JAM2: variants seen among roughly 807,000 people sequenced by gnomAD.
JAM2 encodes the protein junctional adhesion molecule 2.
JAM2 carries 17 observed loss-of-function variants against 42.0 expected under a neutral mutation model. That is an observed-to-expected ratio of 0.40 (90% CI 0.28 to 0.61). The LOEUF is 0.61. Among genes scored for constraint, JAM2 ranks in the 20% least tolerant of loss-of-function variants. JAM2 has a pLI of 0.37. For missense variants in JAM2, 319 were observed against 358.3 expected, an observed-to-expected ratio of 0.89 and a Z score of 0.89; for synonymous variants, 118 against 128.6, an observed-to-expected ratio of 0.92 and a Z score of 0.56.
chr21:25,684,912 A>G (rs1018703837), intron 2 of JAM2, among the ~76,000 whole-genome samples: 1 of 152,158 alleles, frequency 6.6e-6, no homozygotes, highest in Non-Finnish European at 1.5e-5. Flanking sequence ...AGTTTATTTC[A>G]AATATTGATC....
intron 9 of JAM2, chr21:25,714,156 A>G: frequency 7.7e-7 from 1 of 1,299,508 alleles, no homozygotes. Flanking sequence ...GCTTCAGAGT[A>G]CCTTGTCTGC....
intron 1 of JAM2, among the ~76,000 whole-genome samples, chr21:25,654,644 T>C (rs1178642012): frequency 2.2e-4 from 25 of 112,026 alleles, no homozygotes; most frequent in Non-Finnish European, 3.5e-4. Context: ...TGAGACTTTC[T>C]CTCAAAAAAA....
At chr21:25,664,336 A>C (rs1267689143) in intron 1 of JAM2, among the ~76,000 whole-genome samples, 1 of 152,076 alleles carries the variant, frequency 6.6e-6, no homozygotes, top group Non-Finnish European at 1.5e-5. Context: ...CCTGAGTTCA[A>C]GTGATTGTCC....
At chr21:25,693,705 C>A in intron 3 of JAM2, 51 bp from the exon 4 acceptor site, 1 of 1,487,320 alleles carries the variant, frequency 6.7e-7, no homozygotes, top group Non-Finnish European at 9.3e-7. Context: ...AGGTATTACA[C>A]AGAAAGCTAC....
At chr21:25,714,174 T>TA (rs1166028982) in intron 9 of JAM2, 3 of 1,301,830 alleles carry the variant, frequency 2.3e-6, no homozygotes, top group Non-Finnish European at 3.0e-6. Context: ...TGCTAGGAGT[T>TA]AGTTAGTTAA....
rs1202222672 is a variant in JAM2 at position 25,639,559 on chromosome 21, C to G, written c.-263C>G. ...CGGCGGACGCCTCGTCTGGTTTTCA[C>G]GCCCTCTAGCCCCTACCCCCACACC... is the stretch of plus-strand genomic sequence containing the variant. On this transcript the variant is annotated 5_prime_UTR_variant, in exon 1 of 10. Transcript: ENST00000480456. 1 of 376,048 alleles carries G rather than the reference C, an allele frequency of 2.7e-6. No homozygotes were observed. The highest frequency in any genetic ancestry group is 4.7e-6 in the Non-Finnish European group (1 of 212,214). The allele number at this position is 376,048 out of a possible 1,614,324, so 23.3% of individuals were successfully genotyped here.
rs1448259226 is a variant in JAM2 at position 25,701,886 on chromosome 21, AAC to A, written c.598-281_598-280del. 2.0e-5 allele frequency among the ~76,000 whole-genome samples: 3 copies of A among 152,144 alleles called. 1 individual carries two copies. The highest frequency in any genetic ancestry group is 1.3e-4 in the Admixed American group (2 of 15,278). ...CTACCATGTGTTATGAACTTTAAAAAACACTCATTGCCTTCCTAACAGTACTG... is the reference window on the plus strand; with the variant it reads ...CTACCATGTGTTATGAACTTTAAAAAACTCATTGCCTTCCTAACAGTACTG... On this transcript the variant is annotated intron_variant, in intron 5 of 9. Transcript: ENST00000480456.
At chr21:25,709,342 A>T in intron 7 of JAM2, 92 bp from the exon 8 acceptor site, 6 of 714,600 alleles carry the variant, frequency 8.4e-6, no homozygotes, top group Non-Finnish European at 1.1e-5. Flanking sequence ...TAAAATTAAT[A>T]AAAATAAATT....
intron 1 of JAM2, among the ~76,000 whole-genome samples, chr21:25,646,868 C>A (rs1192556361): frequency 1.3e-5 from 2 of 152,238 alleles, no homozygotes; most frequent in East Asian, 3.9e-4. Context: ...TACTGGAGAG[C>A]TCTGCTTTTC....
At chr21:25,699,953 A>T (rs748586752) in intron 5 of JAM2, among the ~76,000 whole-genome samples, 27 of 152,030 alleles carry the variant, frequency 1.8e-4, no homozygotes, top group Non-Finnish European at 3.5e-4. Context: ...GTAGTCAATC[A>T]TGGTAGGATT....
intron 4 of JAM2, among the ~76,000 whole-genome samples, chr21:25,695,184 T>G (rs1227034108): frequency 2.0e-5 from 3 of 152,132 alleles, no homozygotes; most frequent in East Asian, 1.9e-4. Context: ...TGATGACTCT[T>G]AAGGAGCATG....
chr21:25,662,873 G>A (rs1290763393), intron 1 of JAM2, among the ~76,000 whole-genome samples: 4 of 152,142 alleles, frequency 2.6e-5, no homozygotes, highest in Admixed American at 6.5e-5. Context: ...ACACAATCTT[G>A]TATCAAATAG....
chr21:25,685,371 A>G (rs908432147), intron 2 of JAM2, among the ~76,000 whole-genome samples: 2 of 151,932 alleles, frequency 1.3e-5, no homozygotes, highest in Middle Eastern at 3.4e-3. Context: ...AAAACAAACA[A>G]ATTAGACAGA....
chr21:25,699,573 CTT>C (rs1218960494), intron 5 of JAM2, among the ~76,000 whole-genome samples: 2 of 151,632 alleles, frequency 1.3e-5, no homozygotes, highest in Non-Finnish European at 2.9e-5. Flanking sequence ...ATACAAAAGA[CTT>C]AGCCGGGCGT....
At chr21:25,714,180 G>A in intron 9 of JAM2, 1 of 1,302,296 alleles carries the variant, frequency 7.7e-7, no homozygotes. Flanking sequence ...GAGTTAGTTA[G>A]TTAATTCCCC....
At chr21:25,675,694 C>T (rs376663856) in intron 1 of JAM2, among the ~76,000 whole-genome samples, 2 of 152,034 alleles carry the variant, frequency 1.3e-5, no homozygotes, top group South Asian at 4.2e-4. Flanking sequence ...CAGGAGAGCT[C>T]GCTCACTATC....
chr21:25,704,970 GA>G (rs926468874), intron 6 of JAM2, among the ~76,000 whole-genome samples: 18 of 152,084 alleles, frequency 1.2e-4, no homozygotes, highest in African/African-American at 4.3e-4. Context: ...CTGAGAAGAA[GA>G]AAAAAACTTC....
intron 1 of JAM2, among the ~76,000 whole-genome samples, chr21:25,663,622 G>A (rs2033146044): frequency 6.6e-6 from 1 of 152,094 alleles, no homozygotes; most frequent in African/African-American, 2.4e-5. Flanking sequence ...TATAAGGAAA[G>A]GAAGAGAGAA....
intron 4 of JAM2, among the ~76,000 whole-genome samples, chr21:25,697,007 A>AC (rs886680836): frequency 9.0e-5 from 12 of 133,346 alleles, no homozygotes; most frequent in Admixed American, 8.3e-4. Flanking sequence ...GCACACACCT[A>AC]TTTTTTTTTT....
Sources: gnomAD v4.1 joint callset for allele counts (sites outside exome capture counted in the v4.1 genomes callset) on GRCh38, gnomAD v4.1.1 for gene constraint, MANE v1.5 for transcripts, NCBI Gene and HGNC (gene_info 2026-07-23, HGNC 2026-07-21) for gene names.